The following RBFOX1 variants were observed in gnomAD, a reference collection of about 807,000 sequenced individuals.
The protein encoded by RBFOX1 is RNA binding fox-1 homolog 1, also known as RNA binding protein fox-1 homolog 1.
Under a neutral mutation model 57.7 loss-of-function variants are expected in RBFOX1, and 8 were observed. The ratio of observed to expected loss-of-function variants is 0.14; its 90% CI spans 0.08 to 0.25. RBFOX1 has a LOEUF of 0.25. Ranked by LOEUF, RBFOX1 falls within the 10% of genes least tolerant of loss-of-function variation. The pLI is 1.00. For synonymous variants in RBFOX1, 326 were observed against 222.4 expected, an observed-to-expected ratio of 1.47 and a Z score of -4.15; for missense variants, 611 against 548.5, an observed-to-expected ratio of 1.11 and a Z score of -1.14.
At chr16:6,971,313 C>G (rs1004376294) in intron 3 of RBFOX1, among the ~76,000 whole-genome samples, 1 of 152,132 alleles carries the variant, frequency 6.6e-6, no homozygotes, top group Non-Finnish European at 1.5e-5. Context: ...GAGGACATGT[C>G]AGCCACAGAA....
At chr16:7,381,882 C>G (rs902033145) in intron 4 of RBFOX1, among the ~76,000 whole-genome samples, 2 of 152,262 alleles carry the variant, frequency 1.3e-5, no homozygotes, top group East Asian at 3.9e-4. Flanking sequence ...TCTAGCCTCT[C>G]CTGACTAAAT....
intron 3 of RBFOX1, among the ~76,000 whole-genome samples, chr16:6,685,154 A>G (rs573890289): frequency 1.4e-4 from 21 of 152,130 alleles, no homozygotes; most frequent in African/African-American, 5.1e-4. Flanking sequence ...TTTATATTCC[A>G]TTCCTTTTCT....
At position 7,710,678 on chromosome 16, in the gene RBFOX1, G is replaced by A; in HGVS notation, c.1127G>A (p.Gly376Asp). ...ACTAGGAGCCATGCTGATGATGTGG[G>A]TCTCGTTCTTTCTTCATTGCAGGCT... ...AKTRSHADDV[G>D]LVLSSLQASI... Residue 376 changes from glycine to aspartate, a missense_variant, in exon 16 of 16, where the codon GGT becomes GAT. Gly to Asp is a moderately conservative substitution (Grantham distance 94, BLOSUM62 -1). Around this residue, in one of 3 missense-constraint regions of RBFOX1, gnomAD observed 267 missense variants for 229.1 expected, o/e 1.17. Transcript: ENST00000550418. 2 of 1,613,528 alleles carry A rather than the reference G, an allele frequency of 1.2e-6. No individual in the cohort carries two copies. The highest frequency in any genetic ancestry group is 1.7e-6 in the Non-Finnish European group (2 of 1,179,714).
At chr16:6,689,345 A>G (rs1385993090) in intron 3 of RBFOX1, among the ~76,000 whole-genome samples, 2 of 152,140 alleles carry the variant, frequency 1.3e-5, no homozygotes, top group Non-Finnish European at 2.9e-5. Context: ...ATTTCTCTTA[A>G]GTCTTCACCT....
intron 3 of RBFOX1, among the ~76,000 whole-genome samples, chr16:6,818,138 A>T (rs1013409948): frequency 2.6e-5 from 4 of 152,124 alleles, no homozygotes; most frequent in Non-Finnish European, 1.5e-5. Flanking sequence ...GCCCTTTTCT[A>T]GGTTCCTCTG....
chr16:5,863,394 C>G (rs890553471), intron 3 of RBFOX1, among the ~76,000 whole-genome samples: 1 of 152,216 alleles, frequency 6.6e-6, no homozygotes, highest in African/African-American at 2.4e-5. Flanking sequence ...ACTGCAGACA[C>G]TCTGATGACT....
chr16:6,394,588 A>T (rs1265892430), intron 2 of RBFOX1, among the ~76,000 whole-genome samples: 10 of 152,018 alleles, frequency 6.6e-5, no homozygotes, highest in Admixed American at 6.6e-4. Context: ...TGCAGTTAAG[A>T]CATATTTCAA....
At chr16:7,440,304 G>C (rs2098756344) in intron 4 of RBFOX1, among the ~76,000 whole-genome samples, 1 of 152,182 alleles carries the variant, frequency 6.6e-6, no homozygotes, top group Non-Finnish European at 1.5e-5. Context: ...GGTGGAGCCA[G>C]GTAGGTATGT....
At chr16:6,506,734 G>A (rs1479990471) in intron 2 of RBFOX1, among the ~76,000 whole-genome samples, 2 of 139,008 alleles carry the variant, frequency 1.4e-5, no homozygotes, top group Admixed American at 1.6e-4. Context: ...CGCAACTTCT[G>A]CCTCCAGGTT....
At chr16:6,106,947 A>G (rs34538327) in intron 1 of RBFOX1, among the ~76,000 whole-genome samples, 101,405 of 152,024 alleles carry the variant, frequency 0.67, 34,505 homozygotes, top group African/African-American at 0.8. Flanking sequence ...CTGGGATTAC[A>G]GGCGTGAGCC....
chr16:5,737,051 G>T (rs1216928195), intron 3 of RBFOX1, among the ~76,000 whole-genome samples: 1 of 152,034 alleles, frequency 6.6e-6, no homozygotes, highest in African/African-American at 2.4e-5. Context: ...GTGGGCAGAG[G>T]TGAGTGAGGG....
In RBFOX1 at chr16:7,439,029, G is replaced by A. The variant is rs115445286; in HGVS notation, c.28-79118G>A. Among the ~76,000 whole-genome samples, 244 of 152,314 alleles carry A rather than the reference G, an allele frequency of 1.6e-3. 1 individual carries two copies. Among genetic ancestry groups the A allele is most frequent in the African/African-American group, 5.7e-3 (236 of 41,572 alleles). On this transcript the variant is annotated intron_variant, in intron 4 of 15. Transcript: ENST00000550418. ...GCGCTGTGGTGGAGCAGAGTTCAGC[G>A]GAAACCACCGCACTTTGTTTTGTTG...
chr16:6,232,393 T>G (rs2097469561), intron 1 of RBFOX1, among the ~76,000 whole-genome samples: 1 of 152,214 alleles, frequency 6.6e-6, no homozygotes, highest in South Asian at 2.1e-4. Flanking sequence ...TGTGTTCTTT[T>G]GAATAATGGG....
At chr16:6,554,753 C>T (rs866956172) in intron 2 of RBFOX1, among the ~76,000 whole-genome samples, 1 of 137,150 alleles carries the variant, frequency 7.3e-6, no homozygotes, top group African/African-American at 3.2e-5. Context: ...CACACACACA[C>T]ACACAGACAC....
chr16:6,518,264 A>G (rs530958677), intron 2 of RBFOX1, among the ~76,000 whole-genome samples: 1 of 152,272 alleles, frequency 6.6e-6, no homozygotes, highest in East Asian at 1.9e-4. Context: ...AGAAACAAAC[A>G]TTAGTTAAGA....
intron 4 of RBFOX1, among the ~76,000 whole-genome samples, chr16:7,058,011 A>AAAAC (rs1355969154): frequency 6.6e-6 from 1 of 151,370 alleles, no homozygotes; most frequent in African/African-American, 2.4e-5. Context: ...GTGGGGAAAA[A>AAAAC]AAAAAAAAAA....
At chr16:5,643,223 TG>T (rs2048938854) in intron 3 of RBFOX1, among the ~76,000 whole-genome samples, 1 of 152,188 alleles carries the variant, frequency 6.6e-6, no homozygotes, top group South Asian at 2.1e-4. Flanking sequence ...ACATGGCACA[TG>T]GGCAGGTGAG....
Position 6,859,135 on chromosome 16 carries a change from A to ATG in RBFOX1, c.-15-192921_-15-192920insGT, listed in dbSNP as rs1567592288. On this transcript the variant is annotated intron_variant, in intron 3 of 15. Coordinates refer to ENST00000550418, the MANE Select transcript of RBFOX1 (RefSeq NM_018723.4). ...TGTATATATATATATATATACATATATATACGTATATATATATGTATATAT... is the reference window on the plus strand; with the variant it reads ...TGTATATATATATATATATACATATATGTATACGTATATATATATGTATATAT... Among the ~76,000 whole-genome samples the ATG allele has an allele frequency of 9.0e-4, 92 of 102,732 alleles. 6 individuals are homozygous for ATG. Among genetic ancestry groups the ATG allele is most frequent in the African/African-American group, 4.2e-3 (90 of 21,590 alleles). 67.4% of individuals were successfully genotyped at this position (102,732 alleles called of 152,430 possible). A position where few individuals can be genotyped will look rare whatever the true frequency, so the allele number is the denominator to read the frequency against.
At chr16:5,432,443 C>G (rs558754668) in intron 1 of RBFOX1, among the ~76,000 whole-genome samples, 1 of 151,982 alleles carries the variant, frequency 6.6e-6, no homozygotes, top group East Asian at 1.9e-4. Context: ...CCGTCATTAT[C>G]CCTTGTCTAT....
Sources: gnomAD v4.1 joint callset for allele counts (sites outside exome capture counted in the v4.1 genomes callset) on GRCh38, gnomAD v4.1.1 for gene constraint, gnomAD v4.1.1 regional missense constraint, MANE v1.5 for transcripts, NCBI Gene and HGNC (gene_info 2026-07-23, HGNC 2026-07-21) for gene names.